The following BRS3 variants were observed in gnomAD, a reference collection of about 807,000 sequenced individuals.
BRS3 encodes the protein bombesin receptor subtype-3.
A neutral mutation model predicts 18.8 loss-of-function variants in BRS3; 5 were observed. The observed-to-expected ratio is 0.27, with a 90% confidence interval of 0.14 to 0.56. BRS3 has a LOEUF of 0.56. BRS3 is among the 20% of genes least tolerant of loss of function. The pLI, the probability that BRS3 is intolerant of heterozygous loss-of-function variation, is 0.93. For synonymous variants in BRS3, 121 were observed against 115.0 expected, an observed-to-expected ratio of 1.05 and a Z score of -0.33; for missense variants, 215 against 296.3, an observed-to-expected ratio of 0.73 and a Z score of 2.01.
chrX:136,492,656 T>A lies in BRS3; in HGVS notation c.*281T>A, dbSNP rs1247341133. The A allele has an allele frequency of 3.9e-6, 1 of 256,986 alleles. No homozygotes were observed. The highest frequency in any genetic ancestry group is 6.9e-6 in the Non-Finnish European group (1 of 145,549). 21.2% of individuals were successfully genotyped at this position (256,986 alleles called of 1,213,427 possible). A position where few individuals can be genotyped will look rare whatever the true frequency, so the allele number is the denominator to read the frequency against. ...GGGAAGTCAAATGGGAAGGAAGGTG[T>A]AATAAACAAGATGAAACTTAAAAAT... On this transcript the variant is annotated 3_prime_UTR_variant, in exon 3 of 3. Coordinates refer to ENST00000370648, the MANE Select transcript of BRS3 (RefSeq NM_001727.2).
Position 136,487,950 on chromosome X carries a change from C to G in BRS3, c.-165C>G, listed in dbSNP as rs771317269. 29 of 465,146 alleles carry G rather than the reference C, an allele frequency of 6.2e-5. No individual in the cohort carries two copies. Among genetic ancestry groups the G allele is most frequent in the African/African-American group, 2.5e-4 (10 of 40,381 alleles). The allele number at this position is 465,146 out of a possible 1,213,427, so 38.3% of individuals were successfully genotyped here. A position where few individuals can be genotyped will look rare whatever the true frequency, so the allele number is the denominator to read the frequency against. ...TTAGCCAAGCATGCTGGGAGACACA[C>G]AGAACTGAAGCAAAGGAGTATCTGG... On this transcript the variant is annotated 5_prime_UTR_variant, in exon 1 of 3. Coordinates refer to ENST00000370648, the MANE Select transcript of BRS3 (RefSeq NM_001727.2).
rs2075673249 is a variant in BRS3 at position 136,492,242 on chromosome X, C to T, written c.1067C>T (p.Pro356Leu). Residue 356 changes from proline (P) to leucine (L), a missense_variant, in exon 3 of 3, where the codon CCT (proline) becomes CTT (leucine). Pro to Leu is a moderately conservative substitution (Grantham distance 98). Coordinates refer to ENST00000370648, the MANE Select transcript of BRS3 (RefSeq NM_001727.2). The part of the protein sequence containing the change: ...FCCKAERPEP[P>L]VADTSLTTLA... ...TGCAAGGCGGAGCGGCCTGAGCCTC[C>T]TGTTGCTGACACCTCTCTTACCACC... 9 of 1,211,779 alleles carry T rather than the reference C, an allele frequency of 7.4e-6. No individual in the cohort carries two copies. The highest frequency in any genetic ancestry group is 1.0e-5 in the Non-Finnish European group (9 of 895,571).
rs745686089 is a variant in BRS3 at position 136,488,569 on chromosome X, A to G, written c.434+21A>G. 6 of 1,174,017 alleles carry G rather than the reference A, an allele frequency of 5.1e-6. No individual in the cohort carries two copies. In the Admixed American group the frequency reaches 9.7e-5, roughly 19 times the overall value. ...GACAGGTGAGTTTCTTTTCTCCATT[A>G]TATTTGCCAGGATGTGAAATTGGGC... is the stretch of plus-strand genomic sequence containing the variant. On this transcript the variant is annotated intron_variant, in intron 1 of 2. Coordinates refer to ENST00000370648, the MANE Select transcript of BRS3 (RefSeq NM_001727.2).
At position 136,492,313 on chromosome X, in the gene BRS3, T is replaced by C. The variant is rs748509379; in HGVS notation, c.1138T>C (p.Ser380Pro). Residue 380 changes from serine (S) to proline (P), a missense_variant, in exon 3 of 3, where the codon TCT (serine) becomes CCT (proline). Around this residue, in one of 3 missense-constraint regions of BRS3, gnomAD observed 45 missense variants for 45.5 expected, o/e 0.99. Transcript: ENST00000370648. ...TVPGTGSIQM[S>P]EISVTSFTGC... ...CCCGGGCACTGGGAGCATACAGATG[T>C]CTGAAATTAGTGTGACCTCGTTCAC... 10 of 1,209,349 alleles carry C rather than the reference T, an allele frequency of 8.3e-6. No individual in the cohort carries two copies. The highest frequency in any genetic ancestry group is 2.3e-4 in the Middle Eastern group (1 of 4,355).
chrX:136,488,229 G>A lies in BRS3; in HGVS notation c.115G>A (p.Asp39Asn), dbSNP rs776486052. 32 of 1,210,070 alleles carry A rather than the reference G, an allele frequency of 2.6e-5. No homozygotes were observed. The highest frequency in any genetic ancestry group is 2.3e-4 in the Middle Eastern group (1 of 4,377). ...NDNTNKGWSGDNSPGIEALCA... is the reference protein window; with the variant it reads ...NDNTNKGWSGNNSPGIEALCA... The stretch of plus-strand genomic sequence containing the variant: ...TAACACAAATAAAGGATGGAGCGGG[G>A]ACAACTCTCCAGGAATAGAAGCATT... Residue 39 changes from aspartate (D) to asparagine (N), a missense_variant, in exon 1 of 3, where the codon GAC becomes AAC. By Grantham distance (23) the Asp-to-Asn change is conservative (BLOSUM62 1). Around this residue, in one of 3 missense-constraint regions of BRS3, gnomAD observed 47 missense variants for 43.1 expected, o/e 1.09. Coordinates refer to ENST00000370648, the MANE Select transcript of BRS3 (RefSeq NM_001727.2).
chrX:136,491,913 G>GGTTTTTTTTTTTTTTTT (rs2075670791), intron 2 of BRS3, 49 bp from the exon 3 acceptor site: 2 of 436,965 alleles, frequency 4.6e-6, no homozygotes, highest in African/African-American at 8.1e-5. Flanking sequence ...TGTTTTTTGT[G>GGTTTTTTTTTTTTTTTT]TTTTTTTTTT....
rs1019725378 is a variant in BRS3 at position 136,492,897 on chromosome X, G to T, written c.*522G>T. Reference sequence around the variant, plus strand: ...CTTTTCCATTAATCTGTATTCCATTGTAGCTGAATCTGTGCAGTTGAAATG... The same window carrying T: ...CTTTTCCATTAATCTGTATTCCATTTTAGCTGAATCTGTGCAGTTGAAATG... On this transcript the variant is annotated 3_prime_UTR_variant, in exon 3 of 3. Coordinates refer to ENST00000370648, the MANE Select transcript of BRS3 (RefSeq NM_001727.2). The T allele has an allele frequency of 2.7e-5, 3 of 112,813 alleles. No homozygotes were observed. Among genetic ancestry groups the T allele is most frequent in the African/African-American group, 9.7e-5 (3 of 30,874 alleles). The allele number at this position is 112,813 out of a possible 1,213,427, so 9.3% of individuals were successfully genotyped here.
Position 136,488,077 on chromosome X carries a change from GAGA to G in BRS3, c.-30_-28del, listed in dbSNP as rs781574380. The stretch of plus-strand genomic sequence containing the variant: ...CGTGACAATCAACTGCATTTGAACT[GAGA>G]AGAAGAAATATTAAAGACACAGTCT... On this transcript the variant is annotated 5_prime_UTR_variant, in exon 1 of 3. Coordinates refer to ENST00000370648, the MANE Select transcript of BRS3 (RefSeq NM_001727.2). 5.2e-6 allele frequency: 6 copies of G among 1,151,161 alleles called. No individual in the cohort carries two copies. The highest frequency in any genetic ancestry group is 7.0e-6 in the Non-Finnish European group (6 of 861,085). The allele number at this position is 1,151,161 out of a possible 1,213,427, so 94.9% of individuals were successfully genotyped here.
Position 136,490,477 on chromosome X carries a change from G to A in BRS3, c.779G>A (p.Arg260His), listed in dbSNP as rs376207740. The A allele has an allele frequency of 8.2e-5, 95 of 1,155,804 alleles. No homozygotes were observed. Among genetic ancestry groups the A allele is most frequent in the East Asian group, 6.0e-4 (20 of 33,263 alleles). ...NIPTEEQSHA[R>H]KQIESRKRIA... The stretch of plus-strand genomic sequence containing the variant: ...CCTACTGAGGAACAAAGCCATGCCC[G>A]TAAGCAGGTATGTATTAATCAGTAC... Residue 260 changes from arginine to histidine, a missense_variant, in exon 2 of 3, where the codon CGT (arginine) becomes CAT (histidine). Arg to His is a conservative substitution (Grantham distance 29, BLOSUM62 0). Around this residue, in one of 3 missense-constraint regions of BRS3, gnomAD observed 123 missense variants for 207.6 expected, o/e 0.59. Transcript: ENST00000370648.
At chrX:136,488,606 A>G (rs1478287304) in intron 1 of BRS3, 58 bp downstream of exon 1, 13 of 1,094,052 alleles carry the variant, frequency 1.2e-5, no homozygotes, top group Non-Finnish European at 1.6e-5. Context: ...AAAAGAAAGG[A>G]AAGCTTGTAC....
At chrX:136,491,939 T>TTTTTTTTTTTTTTTTTC in intron 2 of BRS3, 23 bp from the exon 3 acceptor site, 2 of 756,465 alleles carry the variant, frequency 2.6e-6, no homozygotes, top group East Asian at 4.2e-5. Flanking sequence ...TTTTTTTTTT[T>TTTTTTTTTTTTTTTTTC]GCTATGTTTC....
intron 2 of BRS3, 49 bp from the exon 3 acceptor site, chrX:136,491,913 G>GTGTTGTTTTTTTTTTTTTTT (rs773324636): frequency 4.6e-6 from 2 of 431,735 alleles, no homozygotes; most frequent in African/African-American, 8.1e-5. Flanking sequence ...TGTTTTTTGT[G>GTGTTGTTTTTTTTTTTTTTT]TTTTTTTTTT....
rs2075674939 is a variant in BRS3, at chrX:136,492,730, C to A, written c.*355C>A. On this transcript the variant is annotated 3_prime_UTR_variant, in exon 3 of 3. Coordinates refer to ENST00000370648, the MANE Select transcript of BRS3 (RefSeq NM_001727.2). ...TGTGATGCTTCTAACTCCTCATATA[C>A]TGTGATTTGCATAAAATTGTGTTTG... 7.1e-6 allele frequency: 1 copy of A among 141,624 alleles called. No homozygotes were observed. The highest frequency in any genetic ancestry group is 8.4e-5 in the Admixed American group (1 of 11,863). The allele number at this position is 141,624 out of a possible 1,213,427, so 11.7% of individuals were successfully genotyped here. A position where few individuals can be genotyped will look rare whatever the true frequency, so the allele number is the denominator to read the frequency against.
chrX:136,492,699 C>A lies in BRS3; in HGVS notation c.*324C>A, dbSNP rs951967795. The stretch of plus-strand genomic sequence containing the variant: ...TTAAAAATCTCATTTGTTGTTTAAT[C>A]ACATCTGTGATGCTTCTAACTCCTC... On this transcript the variant is annotated 3_prime_UTR_variant, in exon 3 of 3. Coordinates refer to ENST00000370648, the MANE Select transcript of BRS3 (RefSeq NM_001727.2). 5.2e-6 allele frequency: 1 copy of A among 193,515 alleles called. No individual in the cohort carries two copies. The highest frequency in any genetic ancestry group is 6.9e-5 in the Admixed American group (1 of 14,525). The allele number at this position is 193,515 out of a possible 1,213,427, so 15.9% of individuals were successfully genotyped here. A position where few individuals can be genotyped will look rare whatever the true frequency, so the allele number is the denominator to read the frequency against.
Position 136,492,662 on chromosome X carries a change from AC to A in BRS3, c.*288del. The A allele has an allele frequency of 4.1e-6, 1 of 242,678 alleles. No individual in the cohort carries two copies. The highest frequency in any genetic ancestry group is 7.4e-6 in the Non-Finnish European group (1 of 135,796). 20.0% of individuals were successfully genotyped at this position (242,678 alleles called of 1,213,427 possible). A position where few individuals can be genotyped will look rare whatever the true frequency, so the allele number is the denominator to read the frequency against. ...TCAAATGGGAAGGAAGGTGTAATAA[AC>A]AAGATGAAACTTAAAAATCTCATTT... On this transcript the variant is annotated 3_prime_UTR_variant, in exon 3 of 3. Transcript: ENST00000370648.
chrX:136,491,911 GTGT>G, intron 2 of BRS3, 48 bp from the exon 3 acceptor site: 4 of 600,589 alleles, frequency 6.7e-6, no homozygotes, highest in Non-Finnish European at 6.1e-6. Flanking sequence ...GTTGTTTTTT[GTGT>G]TTTTTTTTTT....
Position 136,488,015 on chromosome X carries a change from T to G in BRS3, c.-100T>G. 1 of 803,185 alleles carries G rather than the reference T, an allele frequency of 1.2e-6. No homozygotes were observed. The highest frequency in any genetic ancestry group is 3.3e-5 in the East Asian group (1 of 30,268). The allele number at this position is 803,185 out of a possible 1,213,427, so 66.2% of individuals were successfully genotyped here. ...CTTCCCATTCTGTTCTGTTCTGTTC[T>G]CCTAATACCATCTCGTTACTAGACG... is the stretch of plus-strand genomic sequence containing the variant. On this transcript the variant is annotated 5_prime_UTR_variant, in exon 1 of 3. Transcript: ENST00000370648.
chrX:136,488,467 T>C lies in BRS3; in HGVS notation c.353T>C (p.Ile118Thr), dbSNP rs775177321. Reference protein sequence around the residue: ...YLAEGWLFGRIGCKVLSFIRL... With the variant: ...YLAEGWLFGRTGCKVLSFIRL... ...GCAGAAGGATGGCTGTTCGGAAGAA[T>C]TGGTTGTAAGGTGCTCTCTTTCATC... Residue 118 changes from isoleucine to threonine, a missense_variant, in exon 1 of 3, where the codon ATT (isoleucine) becomes ACT (threonine). Ile to Thr is a moderately conservative substitution (Grantham distance 89, BLOSUM62 -1). Coordinates refer to ENST00000370648, the MANE Select transcript of BRS3 (RefSeq NM_001727.2). The C allele has an allele frequency of 2.5e-6, 3 of 1,210,388 alleles. No homozygotes were observed. Among genetic ancestry groups the C allele is most frequent in the African/African-American group, 3.5e-5 (2 of 57,268 alleles).
intron 1 of BRS3, among the ~76,000 whole-genome samples, chrX:136,489,917 G>A (rs2075663571): frequency 9.0e-6 from 1 of 111,661 alleles, no homozygotes; most frequent in African/African-American, 3.3e-5. Context: ...TATCTCATAG[G>A]AGTGAATAAT....
Sources: allele counts gnomAD v4.1 joint callset (sites outside exome capture counted in the v4.1 genomes callset), GRCh38; gene constraint gnomAD v4.1.1; regional missense constraint gnomAD v4.1.1; transcripts MANE v1.5; gene names NCBI Gene and HGNC (gene_info 2026-07-23, HGNC 2026-07-21).